The following ZNF280D variants were observed in gnomAD, a reference collection of about 807,000 sequenced individuals.
The protein encoded by ZNF280D is suppressor of hairy wing homolog 4.
In ZNF280D, 39 loss-of-function variants were observed where a neutral mutation model predicts 94.7. That is an observed-to-expected ratio of 0.41 (90% confidence interval 0.32 to 0.54). ZNF280D has a LOEUF of 0.54. Among genes scored for constraint, ZNF280D ranks in the 20% least tolerant of loss-of-function variants. The pLI is 0.22. For missense variants in ZNF280D, 1,090 were observed against 1,149.3 expected, an observed-to-expected ratio of 0.95 and a Z score of 0.75; for synonymous variants, 398 against 377.6, an observed-to-expected ratio of 1.05 and a Z score of -0.63.
chr15:56,658,084 G>A (rs1596376300), intron 17 of ZNF280D, among the ~76,000 whole-genome samples: 1 of 152,118 alleles, frequency 6.6e-6, no homozygotes, highest in Admixed American at 6.6e-5. Context: ...CTAAATGAAA[G>A]AAGCCACAGA....
chr15:56,694,353 A>T (rs1038235412), intron 6 of ZNF280D, among the ~76,000 whole-genome samples: 5 of 150,792 alleles, frequency 3.3e-5, no homozygotes, highest in African/African-American at 1.2e-4. Flanking sequence ...ATACTCCAAT[A>T]CCATTAATAC....
intron 6 of ZNF280D, chr15:56,699,732 A>G (rs1231748762): frequency 4.1e-6 from 1 of 244,622 alleles, no homozygotes; most frequent in Admixed American, 6.5e-5. Flanking sequence ...CCTCAAGACA[A>G]CTATCATACT....
At chr15:56,633,574 T>G (rs2052197468) in intron 21 of ZNF280D, among the ~76,000 whole-genome samples, 1 of 151,932 alleles carries the variant, frequency 6.6e-6, no homozygotes, top group Non-Finnish European at 1.5e-5. Flanking sequence ...CATTGCAACC[T>G]CTGCCTCCCG....
chr15:56,660,031 T>G (rs868333417), intron 16 of ZNF280D, among the ~76,000 whole-genome samples: 1 of 152,136 alleles, frequency 6.6e-6, no homozygotes, highest in Non-Finnish European at 1.5e-5. Flanking sequence ...TTTCTAATAG[T>G]CATTTCTTCA....
intron 1 of ZNF280D, among the ~76,000 whole-genome samples, chr15:56,724,672 AAAG>A (rs2058544464): frequency 6.6e-6 from 1 of 152,240 alleles, no homozygotes; most frequent in East Asian, 1.9e-4. Flanking sequence ...CGCCTTTTGC[AAAG>A]AAGTATTTGT....
chr15:56,667,393 A>G (rs2054367859), intron 14 of ZNF280D, among the ~76,000 whole-genome samples: 1 of 152,140 alleles, frequency 6.6e-6, no homozygotes, highest in Non-Finnish European at 1.5e-5. Context: ...TTTAACAACT[A>G]TAAAAGAAAC....
chr15:56,716,117 T>G (rs1596644475), intron 1 of ZNF280D, among the ~76,000 whole-genome samples: 1 of 152,054 alleles, frequency 6.6e-6, no homozygotes, highest in Non-Finnish European at 1.5e-5. Flanking sequence ...CAATCCCTCA[T>G]GAATACTAAG....
chr15:56,703,899 T>C (rs976330807), intron 4 of ZNF280D, among the ~76,000 whole-genome samples: 1 of 151,996 alleles, frequency 6.6e-6, no homozygotes, highest in Non-Finnish European at 1.5e-5. Flanking sequence ...TTAAAAATTA[T>C]GATTTCTAAT....
intron 9 of ZNF280D, among the ~76,000 whole-genome samples, chr15:56,683,153 CAT>C: frequency 6.6e-6 from 1 of 152,058 alleles, no homozygotes; most frequent in East Asian, 1.9e-4. Context: ...TTTAAATAAA[CAT>C]ATAAACTTTG....
intron 20 of ZNF280D, among the ~76,000 whole-genome samples, chr15:56,639,836 C>T (rs773143792): frequency 2.6e-5 from 4 of 152,040 alleles, no homozygotes; most frequent in Non-Finnish European, 5.9e-5. Flanking sequence ...AACAGGACAT[C>T]CAATACAAGG....
intron 1 of ZNF280D, chr15:56,732,743 G>A (rs1235212483): frequency 6.6e-6 from 1 of 152,158 alleles, no homozygotes; most frequent in African/African-American, 2.4e-5. Context: ...GATAAGTTGG[G>A]AGGAATTCCT....
chr15:56,687,538 A>G (rs1308367654), intron 9 of ZNF280D, among the ~76,000 whole-genome samples: 1 of 152,198 alleles, frequency 6.6e-6, no homozygotes, highest in African/African-American at 2.4e-5. Context: ...TCATACTAGG[A>G]ACCAGGTAAA....
At chr15:56,718,569 T>C (rs531682120) in intron 1 of ZNF280D, among the ~76,000 whole-genome samples, 2 of 152,346 alleles carry the variant, frequency 1.3e-5, no homozygotes, top group South Asian at 4.1e-4. Context: ...ACAATGAATC[T>C]AAATCAGTAC....
intron 4 of ZNF280D, 101 bp downstream of exon 4, chr15:56,704,020 C>G: frequency 8.0e-7 from 1 of 1,257,664 alleles, no homozygotes; most frequent in Non-Finnish European, 1.1e-6. Flanking sequence ...TTCCTCTTTA[C>G]AGTGGAACAT....
intron 13 of ZNF280D, among the ~76,000 whole-genome samples, chr15:56,669,791 C>T (rs1596427284): frequency 2.5e-5 from 3 of 120,428 alleles, no homozygotes; most frequent in African/African-American, 6.3e-5. Context: ...ACTGACATTA[C>T]CAGGGCCCTG....
chr15:56,639,439 C>T (rs2052518290), intron 20 of ZNF280D, among the ~76,000 whole-genome samples: 1 of 151,916 alleles, frequency 6.6e-6, no homozygotes, highest in Admixed American at 6.6e-5. Flanking sequence ...CAGAAATCTC[C>T]AAACTCCAAA....
intron 1 of ZNF280D, among the ~76,000 whole-genome samples, chr15:56,723,098 G>T: frequency 7.9e-6 from 1 of 127,164 alleles, no homozygotes; most frequent in African/African-American, 3.0e-5. Flanking sequence ...GGAGGGGGGA[G>T]GGATAGCACT....
intron 1 of ZNF280D, among the ~76,000 whole-genome samples, chr15:56,715,029 A>G (rs910854222): frequency 4.6e-5 from 7 of 152,268 alleles, no homozygotes; most frequent in Admixed American, 3.3e-4. Flanking sequence ...GTGGTACAGC[A>G]GAGGTTCTTG....
At chr15:56,673,181 A>G (rs1404993880) in intron 13 of ZNF280D, among the ~76,000 whole-genome samples, 1 of 151,996 alleles carries the variant, frequency 6.6e-6, no homozygotes, top group East Asian at 1.9e-4. Context: ...CCAAATGCCT[A>G]CGTAACATTA....
Sources: allele counts gnomAD v4.1 joint callset (sites outside exome capture counted in the v4.1 genomes callset), GRCh38; gene constraint gnomAD v4.1.1; transcripts MANE v1.5; gene names NCBI Gene and HGNC (gene_info 2026-07-23, HGNC 2026-07-21).